The following GRB10 variants were observed in gnomAD, a reference collection of about 807,000 sequenced individuals.
The protein encoded by GRB10 is growth factor receptor-bound protein 10.
Under a neutral mutation model 80.9 loss-of-function variants are expected in GRB10, and 20 were observed. The ratio of observed to expected loss-of-function variants is 0.25; its 90% CI spans 0.17 to 0.36. The LOEUF (loss-of-function observed/expected upper bound fraction) is 0.36, where lower values mean the gene tolerates loss of function less well. GRB10 is among the 10% of genes least tolerant of loss of function. GRB10 has a pLI of 1.00. For missense variants in GRB10, 548 were observed against 747.7 expected (o/e 0.73, Z 3.12); for synonymous variants, 291 against 291.5 (o/e 1.00, Z 0.02).
At chr7:50,626,263 G>C (rs966972110) in intron 8 of GRB10, among the ~76,000 whole-genome samples, 1 of 152,206 alleles carries the variant, frequency 6.6e-6, no homozygotes, top group African/African-American at 2.4e-5. Flanking sequence ...CATGAACACT[G>C]TTCAAAGCCT....
At chr7:50,732,188 G>T in intron 4 of GRB10, 84 bp downstream of exon 4, 5 of 1,399,066 alleles carry the variant, frequency 3.6e-6, no homozygotes, top group Non-Finnish European at 5.1e-6. Flanking sequence ...CTACAGAAAC[G>T]ATCCATGGCT....
intron 2 of GRB10, chr7:50,761,669 T>C (rs1158286776): frequency 6.6e-6 from 1 of 152,180 alleles, no homozygotes; most frequent in Non-Finnish European, 1.5e-5. Context: ...AAATGTTAAA[T>C]TGAAAAAGAT....
At chr7:50,666,970 G>A (rs1268425543) in intron 7 of GRB10, among the ~76,000 whole-genome samples, 1 of 147,756 alleles carries the variant, frequency 6.8e-6, no homozygotes, top group Non-Finnish European at 1.5e-5. Context: ...AACCCAGGAG[G>A]CAGAGCTTGC....
At chr7:50,594,758 G>A (rs952360720) in intron 18 of GRB10, among the ~76,000 whole-genome samples, 2 of 152,152 alleles carry the variant, frequency 1.3e-5, no homozygotes, top group African/African-American at 4.8e-5. Context: ...TGAAGTGAGA[G>A]GTAAACATCA....
intron 7 of GRB10, among the ~76,000 whole-genome samples, chr7:50,647,710 G>A (rs1002675709): frequency 6.6e-5 from 10 of 152,204 alleles, no homozygotes; most frequent in Admixed American, 1.3e-4. Context: ...CCTCCCAGGC[G>A]GCAGAAACTG....
At chr7:50,632,647 C>T (rs76584838) in intron 7 of GRB10, among the ~76,000 whole-genome samples, 3,502 of 152,210 alleles carry the variant, frequency 0.023, 51 homozygotes, top group Middle Eastern at 0.041. Flanking sequence ...CAGGGCAGTG[C>T]GGATGACTTG....
intron 3 of GRB10, among the ~76,000 whole-genome samples, chr7:50,739,020 G>A (rs2071283432): frequency 6.6e-6 from 1 of 152,012 alleles, no homozygotes; most frequent in Non-Finnish European, 1.5e-5. Context: ...TCATGATAAA[G>A]CTTAAACTTC....
At chr7:50,641,620 C>T (rs1424260819) in intron 7 of GRB10, among the ~76,000 whole-genome samples, 3 of 152,178 alleles carry the variant, frequency 2.0e-5, no homozygotes, top group African/African-American at 7.2e-5. Context: ...ACTCATGGTC[C>T]CTGCAGCTGT....
chr7:50,762,723 T>C (rs1347714438), intron 2 of GRB10, among the ~76,000 whole-genome samples: 1 of 152,174 alleles, frequency 6.6e-6, no homozygotes, highest in East Asian at 1.9e-4. Flanking sequence ...TTATAAAATC[T>C]GAGTGAGGAA....
chr7:50,759,866 T>G (rs1379223597), intron 2 of GRB10, among the ~76,000 whole-genome samples: 1 of 151,514 alleles, frequency 6.6e-6, no homozygotes, highest in Non-Finnish European at 1.5e-5. Flanking sequence ...ACAGAGACAG[T>G]GAATGGCCAG....
chr7:50,730,051 T>C (rs182812971), intron 4 of GRB10, among the ~76,000 whole-genome samples: 16 of 152,286 alleles, frequency 1.1e-4, no homozygotes, highest in African/African-American at 3.9e-4. Context: ...CACTAACCCT[T>C]TTCTACCAAA....
intron 17 of GRB10, among the ~76,000 whole-genome samples, chr7:50,599,421 T>C (rs951745128): frequency 6.6e-6 from 1 of 152,220 alleles, no homozygotes; most frequent in Non-Finnish European, 1.5e-5. Flanking sequence ...CAGTAAAGAT[T>C]AGAAATGGAT....
chr7:50,643,112 T>C (rs994724979), intron 7 of GRB10, among the ~76,000 whole-genome samples: 7 of 152,128 alleles, frequency 4.6e-5, no homozygotes, highest in Non-Finnish European at 8.8e-5. Flanking sequence ...AGGTGGAAAA[T>C]AGAGTCTTGG....
In GRB10 at chr7:50,605,416, A is replaced by T. The variant is rs183079974; in HGVS notation, c.1273-10T>A. ...TCTCGGAGACACTGCGCTGAAAAGGAAAGGCCGCAGTTCTTAAAATGCAGG... is the reference window on the plus strand; with the variant it reads ...TCTCGGAGACACTGCGCTGAAAAGGTAAGGCCGCAGTTCTTAAAATGCAGG... On this transcript the variant is annotated splice_polypyrimidine_tract_variant and intron_variant, in intron 14 of 18. Transcript: ENST00000401949. The T allele has an allele frequency of 3.0e-4, 487 of 1,603,966 alleles. 3 individuals carry two copies. The highest frequency in any genetic ancestry group is 3.3e-4 in the Middle Eastern group (2 of 6,050).
chr7:50,733,953 A>G (rs777435857), intron 3 of GRB10, among the ~76,000 whole-genome samples: 2 of 152,252 alleles, frequency 1.3e-5, no homozygotes, highest in Non-Finnish European at 2.9e-5. Context: ...TTAAGACTGT[A>G]GCAAACTCCT....
At chr7:50,717,041 G>A (rs1449390521) in intron 4 of GRB10, among the ~76,000 whole-genome samples, 1 of 152,184 alleles carries the variant, frequency 6.6e-6, no homozygotes, top group East Asian at 1.9e-4. Context: ...CAAAGTTTCT[G>A]AGCCTCACTT....
chr7:50,659,124 T>G (rs1246624251), intron 7 of GRB10, among the ~76,000 whole-genome samples: 1 of 152,248 alleles, frequency 6.6e-6, no homozygotes, highest in Non-Finnish European at 1.5e-5. Context: ...TTTCAGATGC[T>G]CTAGCTTAGC....
At position 50,636,359 on chromosome 7, in the gene GRB10, T is replaced by C. The variant is rs540007536; in HGVS notation, c.505-9381A>G. Among the ~76,000 whole-genome samples, 71 of 152,252 alleles carry C rather than the reference T, an allele frequency of 4.7e-4. 1 individual carries two copies. The highest frequency in any genetic ancestry group is 1.5e-3 in the South Asian group (7 of 4,820). ...ACTATTCCAAAAATTTGAGAAGAAA[T>C]TCTTTCCTAACTAATTCTACAAAAC... is the stretch of plus-strand genomic sequence containing the variant. On this transcript the variant is annotated intron_variant, in intron 7 of 18. Transcript: ENST00000401949.
At chr7:50,748,742 G>A (rs900245303) in intron 3 of GRB10, among the ~76,000 whole-genome samples, 1 of 152,206 alleles carries the variant, frequency 6.6e-6, no homozygotes, top group Admixed American at 6.5e-5. Flanking sequence ...AGTGCTCCAG[G>A]AATAGGGACC....
Sources: allele counts gnomAD v4.1 joint callset (sites outside exome capture counted in the v4.1 genomes callset), GRCh38; gene constraint gnomAD v4.1.1; transcripts MANE v1.5; gene names NCBI Gene and HGNC (gene_info 2026-07-23, HGNC 2026-07-21).